Variants in TRPM7 observed in about 807,000 individuals in gnomAD.
The protein encoded by TRPM7 is LTRPC ion channel family member 7.
A neutral mutation model predicts 229.7 loss-of-function variants in TRPM7; 134 were observed. The ratio of observed to expected loss-of-function variants is 0.58; its 90% CI spans 0.51 to 0.67. TRPM7 has a LOEUF of 0.67. Among genes scored for constraint, TRPM7 ranks in the 30% least tolerant of loss-of-function variants. The pLI, the probability that TRPM7 is intolerant of heterozygous loss-of-function variation, is 0.00. For synonymous variants in TRPM7, 699 were observed against 715.2 expected (o/e 0.98, Z 0.36); for missense variants, 1,901 against 2,210.0 (o/e 0.86, Z 2.80).
At chr15:50,653,280 G>A (rs866148413) in intron 3 of TRPM7, among the ~76,000 whole-genome samples, 3 of 152,290 alleles carry the variant, frequency 2.0e-5, no homozygotes, top group South Asian at 4.1e-4. Flanking sequence ...GTGAGACCCC[G>A]TTCTCCACAA....
At chr15:50,628,015 A>G in intron 11 of TRPM7, 134 bp downstream of exon 11, 1 of 655,390 alleles carries the variant, frequency 1.5e-6, no homozygotes, top group Non-Finnish European at 2.7e-6. Context: ...GGAATGGTGT[A>G]GAAATACTTA....
chr15:50,576,519 C>T (rs938133931), intron 31 of TRPM7, among the ~76,000 whole-genome samples: 2 of 152,176 alleles, frequency 1.3e-5, no homozygotes, highest in African/African-American at 4.8e-5. Context: ...TGTGTATATA[C>T]ACATACATGT....
intron 22 of TRPM7, 137 bp from the exon 23 acceptor site, chr15:50,596,518 C>T: frequency 1.5e-6 from 1 of 688,720 alleles, no homozygotes; most frequent in Non-Finnish European, 2.2e-6. Flanking sequence ...TTCACAGATT[C>T]CAGCAAAAGC....
chr15:50,657,436 A>G (rs757992999), intron 3 of TRPM7, among the ~76,000 whole-genome samples: 15 of 152,112 alleles, frequency 9.9e-5, no homozygotes, highest in Non-Finnish European at 1.9e-4. Flanking sequence ...TGAAACTCTC[A>G]TTTTTCCAGG....
intron 13 of TRPM7, among the ~76,000 whole-genome samples, chr15:50,618,249 T>C (rs1220982299): frequency 6.6e-6 from 1 of 152,142 alleles, no homozygotes; most frequent in Non-Finnish European, 1.5e-5. Flanking sequence ...GACAGTGTTA[T>C]GCGTTCATCA....
Position 50,558,188 on chromosome 15 carries a change from G to C in TRPM7, c.*3490C>G, listed in dbSNP as rs2053195644. The C allele has an allele frequency of 6.6e-6, 1 of 152,148 alleles. No individual in the cohort carries two copies. Among genetic ancestry groups the C allele is most frequent in the African/African-American group, 2.4e-5 (1 of 41,438 alleles). 9.4% of individuals were successfully genotyped at this position (152,148 alleles called of 1,614,324 possible). On this transcript the variant is annotated 3_prime_UTR_variant, in exon 39 of 39. Transcript: ENST00000646667. ...GTAGGTGTGTTTCAGTAAAGTAACA[G>C]GAAATGGTACAGAAACCACCAATGG...
intron 10 of TRPM7, among the ~76,000 whole-genome samples, chr15:50,630,658 T>C (rs1051554723): frequency 2.0e-5 from 3 of 152,156 alleles, no homozygotes; most frequent in East Asian, 3.8e-4. Flanking sequence ...ACACTTATTT[T>C]TCAGCTGATT....
chr15:50,612,870 G>C, intron 15 of TRPM7, 41 bp from the exon 16 acceptor site: 1 of 1,533,644 alleles, frequency 6.5e-7, no homozygotes, highest in African/African-American at 1.4e-5. Flanking sequence ...TTATAATAAG[G>C]CCATATGAAA....
intron 1 of TRPM7, among the ~76,000 whole-genome samples, chr15:50,674,057 C>T (rs1440660436): frequency 2.6e-5 from 4 of 152,150 alleles, no homozygotes; most frequent in Non-Finnish European, 4.4e-5. Context: ...GGCATGATCT[C>T]GGCTCACTGC....
At chr15:50,583,748 G>A (rs1045429519) in intron 28 of TRPM7, among the ~76,000 whole-genome samples, 3 of 151,700 alleles carry the variant, frequency 2.0e-5, no homozygotes, top group Admixed American at 6.6e-5. Context: ...GGCTAATTTT[G>A]TTTTCAGTAG....
intron 2 of TRPM7, 147 bp downstream of exon 2, chr15:50,662,820 C>G (rs2061764725): frequency 1.5e-6 from 1 of 685,184 alleles, no homozygotes; most frequent in Non-Finnish European, 2.5e-6. Context: ...CCCAATCCCT[C>G]CCAAATTAAA....
intron 1 of TRPM7, among the ~76,000 whole-genome samples, chr15:50,677,987 C>A (rs542131631): frequency 1.3e-5 from 2 of 151,990 alleles, no homozygotes; most frequent in East Asian, 3.9e-4. Flanking sequence ...TGCCTATAAT[C>A]CCAGCACTTT....
chr15:50,593,793 G>T (rs951427542), intron 24 of TRPM7, 44 bp from the exon 25 acceptor site: 3 of 1,561,384 alleles, frequency 1.9e-6, no homozygotes, highest in Admixed American at 2.0e-5. Context: ...GAGCTATCAA[G>T]GTTTCAACTT....
Position 50,574,979 on chromosome 15 carries a change from C to G in TRPM7, c.4892G>C (p.Cys1631Ser). The G allele has an allele frequency of 6.2e-7, 1 of 1,614,112 alleles. No individual in the cohort carries two copies. Among genetic ancestry groups the G allele is most frequent in the Admixed American group, 1.7e-5 (1 of 60,022 alleles). Residue 1631 changes from cysteine to serine, a missense_variant, in exon 34 of 39, where the codon TGT becomes TCT. Cys to Ser is a moderately radical substitution (Grantham distance 112, BLOSUM62 -1). Around this residue, in one of 8 missense-constraint regions of TRPM7, gnomAD observed 257 missense variants for 352.0 expected, o/e 0.73. Transcript: ENST00000646667. Reference sequence around the variant, plus strand: ...GAGGATATCATGTTCTGACCAGGTACACTGTACTTTGACAGCTCTTCGTAA... The same window carrying G: ...GAGGATATCATGTTCTGACCAGGTAGACTGTACTTTGACAGCTCTTCGTAA... ...GGLRRAVKVQ[C>S]TWSEHDILKS...
chr15:50,564,261 A>ACATAACATAACATAACATAAC (rs1566928124), intron 38 of TRPM7, among the ~76,000 whole-genome samples: 3 of 51,548 alleles, frequency 5.8e-5, no homozygotes, highest in African/African-American at 1.8e-4. Flanking sequence ...AATAAAATAA[A>ACATAACATAACATAACATAAC]ATAAAATAAA....
chr15:50,663,147 A>C, intron 1 of TRPM7, 101 bp from the exon 2 acceptor site: 1 of 884,930 alleles, frequency 1.1e-6, no homozygotes, highest in Middle Eastern at 2.9e-4. Flanking sequence ...TTTTTTTTTG[A>C]GACAGAGTTT....
chr15:50,630,991 C>T lies in TRPM7; in HGVS notation c.1204+426G>A, dbSNP rs2060713076. ...GGGACTACAGGTAAATGCCACCATG[C>T]CCAGGTAATTTTTAAACTTTTTGTA... On this transcript the variant is annotated intron_variant, in intron 10 of 38. Transcript: ENST00000646667. Among the ~76,000 whole-genome samples, 5 of 152,144 alleles carry T rather than the reference C, an allele frequency of 3.3e-5. No individual in the cohort carries two copies. In the South Asian group the frequency reaches 1.0e-3, roughly 32 times the overall value.
intron 1 of TRPM7, among the ~76,000 whole-genome samples, chr15:50,678,841 G>T (rs529645439): frequency 1.7e-4 from 26 of 151,684 alleles, no homozygotes; most frequent in African/African-American, 6.0e-4. Context: ...ATCAACCTGG[G>T]CAACAGAGTG....
At chr15:50,624,978 C>T (rs1052458156) in intron 11 of TRPM7, among the ~76,000 whole-genome samples, 7 of 152,156 alleles carry the variant, frequency 4.6e-5, no homozygotes, top group African/African-American at 1.7e-4. Flanking sequence ...AGCAATACAA[C>T]TTATGTCCTT....
Sources: gnomAD v4.1 joint callset for allele counts (sites outside exome capture counted in the v4.1 genomes callset) on GRCh38, gnomAD v4.1.1 for gene constraint, gnomAD v4.1.1 regional missense constraint, MANE v1.5 for transcripts, NCBI Gene and HGNC (gene_info 2026-07-23, HGNC 2026-07-21) for gene names.